Variants in DNAJC1 observed in about 807,000 individuals in gnomAD.
The protein encoded by DNAJC1 is DnaJ heat shock protein family (Hsp40) member C1, also known as dnaJ homolog subfamily C member 1.
Under a neutral mutation model 76.6 loss-of-function variants are expected in DNAJC1, and 58 were observed. That is an observed-to-expected ratio of 0.76 (90% CI 0.61 to 0.94). The LOEUF (loss-of-function observed/expected upper bound fraction) is 0.94. DNAJC1 is among the 40% of genes least tolerant of loss of function. The probability of loss-of-function intolerance (pLI) is 0.00; values close to 1 mark genes in which losing one functional copy is unlikely to be tolerated. For synonymous variants in DNAJC1, 258 were observed against 267.9 expected (o/e 0.96, Z 0.36); for missense variants, 689 against 677.3 (o/e 1.02, Z -0.19).
intron 1 of DNAJC1, among the ~76,000 whole-genome samples, chr10:21,994,021 C>T (rs904552957): frequency 7.9e-5 from 12 of 152,182 alleles, no homozygotes; most frequent in African/African-American, 2.9e-4. Context: ...GTCAATATCA[C>T]TCAAAACTTC....
intron 1 of DNAJC1, among the ~76,000 whole-genome samples, chr10:22,000,779 C>A (rs1470476009): frequency 6.6e-6 from 1 of 152,200 alleles, no homozygotes; most frequent in Non-Finnish European, 1.5e-5. Context: ...CTGCCCGTAC[C>A]ACCATGTGAG....
At chr10:21,848,768 C>G (rs1460855057) in intron 8 of DNAJC1, among the ~76,000 whole-genome samples, 2 of 152,050 alleles carry the variant, frequency 1.3e-5, no homozygotes, top group African/African-American at 2.4e-5. Flanking sequence ...TTAAATTGCT[C>G]AAATCACACA....
chr10:21,889,462 T>C (rs747942377), intron 7 of DNAJC1, among the ~76,000 whole-genome samples: 25 of 152,148 alleles, frequency 1.6e-4, no homozygotes, highest in Admixed American at 9.8e-4. Context: ...GGAGAACTTT[T>C]CCACATTCCT....
chr10:21,830,758 T>C (rs1310861736), intron 8 of DNAJC1, among the ~76,000 whole-genome samples: 1 of 152,242 alleles, frequency 6.6e-6, no homozygotes, highest in Non-Finnish European at 1.5e-5. Flanking sequence ...TCCTTATCTG[T>C]TGGTTCTACA....
chr10:21,884,782 T>TA (rs1302197670), intron 7 of DNAJC1, among the ~76,000 whole-genome samples: 26 of 152,164 alleles, frequency 1.7e-4, no homozygotes, highest in Non-Finnish European at 2.1e-4. Flanking sequence ...GTTATTTTTT[T>TA]AAAAAGCAAA....
chr10:21,821,746 T>A (rs1490172761), intron 8 of DNAJC1, among the ~76,000 whole-genome samples: 1 of 152,140 alleles, frequency 6.6e-6, no homozygotes, highest in African/African-American at 2.4e-5. Flanking sequence ...AGGGACATTT[T>A]AATTTATAGA....
intron 1 of DNAJC1, among the ~76,000 whole-genome samples, chr10:21,990,325 T>C (rs1838307653): frequency 6.6e-6 from 1 of 152,158 alleles, no homozygotes; most frequent in Non-Finnish European, 1.5e-5. Flanking sequence ...CCTTGGTACA[T>C]ATCTAAAGAC....
At chr10:21,813,685 G>C (rs909810441) in intron 8 of DNAJC1, among the ~76,000 whole-genome samples, 6 of 152,194 alleles carry the variant, frequency 3.9e-5, no homozygotes, top group Non-Finnish European at 8.8e-5. Context: ...ACTGCGCCCA[G>C]CCAGGGCAAA....
intron 9 of DNAJC1, among the ~76,000 whole-genome samples, chr10:21,794,257 TC>T (rs1292412912): frequency 7.7e-5 from 10 of 130,162 alleles, no homozygotes; most frequent in Non-Finnish European, 1.6e-4. Context: ...CAGAGTAAGT[TC>T]CTATCTTCAA....
chr10:21,844,882 A>C (rs1049943879), intron 8 of DNAJC1, among the ~76,000 whole-genome samples: 2 of 152,188 alleles, frequency 1.3e-5, no homozygotes, highest in Non-Finnish European at 2.9e-5. Flanking sequence ...AAAATTTTAA[A>C]AATTAGGCAT....
chr10:21,797,114 T>A (rs986506895), intron 9 of DNAJC1, among the ~76,000 whole-genome samples: 41 of 151,034 alleles, frequency 2.7e-4, no homozygotes, highest in South Asian at 8.4e-4. Flanking sequence ...ATTAAAAAAA[T>A]TTTTTTTTTG....
chr10:21,894,540 C>A (rs1226916284), intron 7 of DNAJC1, among the ~76,000 whole-genome samples: 1 of 152,118 alleles, frequency 6.6e-6, no homozygotes, highest in Non-Finnish European at 1.5e-5. Context: ...GATTGCACTC[C>A]AGCCTGGGCA....
At chr10:21,909,467 A>T (rs1196839245) in intron 6 of DNAJC1, among the ~76,000 whole-genome samples, 1 of 152,252 alleles carries the variant, frequency 6.6e-6, no homozygotes, top group Non-Finnish European at 1.5e-5. Flanking sequence ...TATAAATATT[A>T]ACTAAAATAT....
chr10:21,776,913 A>G (rs1292090092), intron 9 of DNAJC1, among the ~76,000 whole-genome samples: 8 of 152,224 alleles, frequency 5.3e-5, no homozygotes, highest in African/African-American at 7.2e-5. Context: ...CATATTCACC[A>G]TATTATTCTC....
At chr10:21,866,635 C>A (rs1314342425) in intron 8 of DNAJC1, among the ~76,000 whole-genome samples, 1 of 151,886 alleles carries the variant, frequency 6.6e-6, no homozygotes, top group Non-Finnish European at 1.5e-5. Flanking sequence ...AACAAGCAAC[C>A]CCAAACTAAT....
At position 21,833,358 on chromosome 10, in the gene DNAJC1, C is replaced by G. The variant is rs57475327; in HGVS notation, c.979-27259G>C. On this transcript the variant is annotated intron_variant, in intron 8 of 11. Coordinates refer to ENST00000376980, the MANE Select transcript of DNAJC1 (RefSeq NM_022365.4). ...TGGTGACGGGCGCCTGTAATCCCAGCTATTTGGGAGACTGAGGCAGGCGAA... is the reference window on the plus strand; with the variant it reads ...TGGTGACGGGCGCCTGTAATCCCAGGTATTTGGGAGACTGAGGCAGGCGAA... 8.3e-3 allele frequency among the ~76,000 whole-genome samples: 1,261 copies of G among 152,220 alleles called. 21 individuals carry two copies. The highest frequency in any genetic ancestry group is 0.029 in the African/African-American group (1,201 of 41,516).
At chr10:21,835,578 A>C (rs1835436723) in intron 8 of DNAJC1, among the ~76,000 whole-genome samples, 2 of 152,188 alleles carry the variant, frequency 1.3e-5, no homozygotes, top group South Asian at 4.1e-4. Flanking sequence ...AAAAGCTTTG[A>C]AAAAAATTAG....
In DNAJC1 at chr10:21,766,186, A is replaced by G; in HGVS notation, c.1147+75T>C. 9.0e-6 allele frequency: 10 copies of G among 1,112,230 alleles called. No homozygotes were observed. In the South Asian group the frequency reaches 1.3e-4, roughly 14 times the overall value. The allele number at this position is 1,112,230 out of a possible 1,614,324, so 68.9% of individuals were successfully genotyped here. A position where few individuals can be genotyped will look rare whatever the true frequency, so the allele number is the denominator to read the frequency against. On this transcript the variant is annotated intron_variant, in intron 10 of 11. Transcript: ENST00000376980. Reference sequence around the variant, plus strand: ...AAAACTTCTAGACCCTTGTATTTAAAGAAGTTATTATAAAAAGGGATTAAT... The same window carrying G: ...AAAACTTCTAGACCCTTGTATTTAAGGAAGTTATTATAAAAAGGGATTAAT...
At chr10:21,999,075 A>G (rs1038680445) in intron 1 of DNAJC1, among the ~76,000 whole-genome samples, 3 of 152,220 alleles carry the variant, frequency 2.0e-5, no homozygotes, top group Non-Finnish European at 4.4e-5. Context: ...GATAAAGAAG[A>G]TGCCACAGAC....
Sources: gnomAD v4.1 joint callset for allele counts (sites outside exome capture counted in the v4.1 genomes callset) on GRCh38, gnomAD v4.1.1 for gene constraint, MANE v1.5 for transcripts, NCBI Gene and HGNC (gene_info 2026-07-23, HGNC 2026-07-21) for gene names.